Variants in PCDH9 observed in about 807,000 individuals in gnomAD.
PCDH9 encodes the protein protocadherin-9.
In PCDH9, 24 loss-of-function variants were observed where a neutral mutation model predicts 70.6. That is an observed-to-expected ratio of 0.34 (90% CI 0.25 to 0.48). The LOEUF is 0.48. Ranked by LOEUF, PCDH9 falls within the 20% of genes least tolerant of loss-of-function variation. The pLI is 0.99. For missense variants in PCDH9, 1,281 were observed against 1,503.6 expected, an observed-to-expected ratio of 0.85 and a Z score of 2.45; for synonymous variants, 562 against 558.5, an observed-to-expected ratio of 1.01 and a Z score of -0.09.
chr13:66,652,937 T>C (rs759992966), intron 3 of PCDH9, among the ~76,000 whole-genome samples: 1 of 152,072 alleles, frequency 6.6e-6, no homozygotes, highest in Non-Finnish European at 1.5e-5. Flanking sequence ...AAACTGCATA[T>C]CCACATGCAG....
intron 4 of PCDH9, among the ~76,000 whole-genome samples, chr13:66,454,023 TA>T (rs941531383): frequency 4.6e-5 from 7 of 151,798 alleles, no homozygotes; most frequent in African/African-American, 1.7e-4. Flanking sequence ...CCTTGGGAAC[TA>T]AAAAAAATCC....
At chr13:67,040,042 G>T (rs1223521923) in intron 2 of PCDH9, among the ~76,000 whole-genome samples, 1 of 152,120 alleles carries the variant, frequency 6.6e-6, no homozygotes, top group East Asian at 1.9e-4. Flanking sequence ...TATGCAAACA[G>T]TCCATAATAC....
chr13:67,006,893 C>A (rs1186730057), intron 2 of PCDH9, among the ~76,000 whole-genome samples: 1 of 152,040 alleles, frequency 6.6e-6, no homozygotes, highest in Non-Finnish European at 1.5e-5. Flanking sequence ...AATACAACTT[C>A]AAATATTTTT....
intron 3 of PCDH9, among the ~76,000 whole-genome samples, chr13:66,726,185 G>C (rs1171750459): frequency 6.6e-6 from 1 of 152,010 alleles, no homozygotes; most frequent in Non-Finnish European, 1.5e-5. Context: ...GGAAGGAACT[G>C]GATAATCTTT....
intron 3 of PCDH9, among the ~76,000 whole-genome samples, chr13:66,637,573 A>T (rs2077654919): frequency 6.6e-6 from 1 of 152,196 alleles, no homozygotes; most frequent in African/African-American, 2.4e-5. Context: ...AAATGGCTCC[A>T]CTAATGTAGA....
At chr13:66,645,762 C>A (rs2077762931) in intron 3 of PCDH9, among the ~76,000 whole-genome samples, 1 of 152,068 alleles carries the variant, frequency 6.6e-6, no homozygotes, top group African/African-American at 2.4e-5. Flanking sequence ...AGATTTTTGT[C>A]AATCAAGACT....
chr13:66,643,883 C>A (rs1042897662), intron 3 of PCDH9, among the ~76,000 whole-genome samples: 1 of 151,902 alleles, frequency 6.6e-6, no homozygotes, highest in African/African-American at 2.4e-5. Flanking sequence ...TTGTCTAGGG[C>A]AGAGAGGGAA....
At chr13:66,661,939 C>T (rs1026202496) in intron 3 of PCDH9, among the ~76,000 whole-genome samples, 1 of 152,120 alleles carries the variant, frequency 6.6e-6, no homozygotes, top group Non-Finnish European at 1.5e-5. Flanking sequence ...AATAAAATAA[C>T]TTAGGCTGAC....
intron 3 of PCDH9, among the ~76,000 whole-genome samples, chr13:66,724,934 C>T (rs2146739): frequency 0.14 from 20,733 of 152,094 alleles, 1,582 homozygotes; most frequent in African/African-American, 0.2. Context: ...AGTCATTATA[C>T]AGTTCAACCA....
intron 4 of PCDH9, among the ~76,000 whole-genome samples, chr13:66,553,782 T>C (rs1961600309): frequency 1.3e-5 from 2 of 152,242 alleles, no homozygotes; most frequent in Admixed American, 1.3e-4. Flanking sequence ...AATTTGTCAA[T>C]GTTCCCCCTT....
chr13:66,938,353 A>G (rs2082951795), intron 2 of PCDH9, among the ~76,000 whole-genome samples: 2 of 152,228 alleles, frequency 1.3e-5, no homozygotes, highest in South Asian at 2.1e-4. Flanking sequence ...TGAAAAAAAG[A>G]GCCACAGAAT....
chr13:66,941,451 G>T (rs2083004962), intron 2 of PCDH9, among the ~76,000 whole-genome samples: 1 of 151,488 alleles, frequency 6.6e-6, no homozygotes, highest in African/African-American at 2.4e-5. Flanking sequence ...CCTATAAAAA[G>T]GCAGAGACAT....
At chr13:66,810,069 T>G (rs2080476970) in intron 3 of PCDH9, among the ~76,000 whole-genome samples, 1 of 152,148 alleles carries the variant, frequency 6.6e-6, no homozygotes, top group South Asian at 2.1e-4. Flanking sequence ...ACTGTATGTT[T>G]GTGGAATTAT....
In PCDH9 at chr13:66,327,362, T is replaced by G. The variant is rs537452164; in HGVS notation, c.3341-22334A>C. Among the ~76,000 whole-genome samples the G allele has an allele frequency of 4.6e-5, 7 of 152,326 alleles. No individual in the cohort carries two copies. The South Asian group carries it at 1.5e-3, about 32-fold the overall frequency. ...AATCTGCTACTCTCTCAAAATGTAC[T>G]TTGAATTACTTTGGTTTGGGGACCT... On this transcript the variant is annotated intron_variant, in intron 4 of 4. Coordinates refer to ENST00000377865, the MANE Select transcript of PCDH9 (RefSeq NM_203487.3).
intron 2 of PCDH9, among the ~76,000 whole-genome samples, chr13:67,161,060 C>T (rs534255830): frequency 6.6e-6 from 1 of 152,270 alleles, no homozygotes; most frequent in Admixed American, 6.5e-5. Flanking sequence ...GGGTGCTTTT[C>T]ATCACACTTC....
intron 2 of PCDH9, among the ~76,000 whole-genome samples, chr13:67,027,242 G>A (rs1326688906): frequency 6.6e-6 from 1 of 152,052 alleles, no homozygotes; most frequent in Non-Finnish European, 1.5e-5. Flanking sequence ...ACAGAACAGA[G>A]CCCTCAGAAA....
intron 4 of PCDH9, among the ~76,000 whole-genome samples, chr13:66,469,769 TTTCTC>T (rs1958582164): frequency 6.6e-6 from 1 of 152,182 alleles, no homozygotes; most frequent in Non-Finnish European, 1.5e-5. Context: ...ATTCTGCAGG[TTTCTC>T]TTCCCTTCAC....
At chr13:67,115,750 T>C (rs2086754365) in intron 2 of PCDH9, among the ~76,000 whole-genome samples, 1 of 151,916 alleles carries the variant, frequency 6.6e-6, no homozygotes, top group Admixed American at 6.6e-5. Context: ...CTGACTTTAA[T>C]ATGTGGTATT....
At position 67,227,634 on chromosome 13, in the gene PCDH9, G is replaced by A. The variant is rs1383512172; in HGVS notation, c.807C>T (p.Thr269=). ...VHIPENAPVG[T]SVIQLHATDA... ...CAGTGGCATGGAGCTGAATTACAGAGGTACCTACGGGAGCATTCTCTGGAA... is the reference window on the plus strand; with the variant it reads ...CAGTGGCATGGAGCTGAATTACAGAAGTACCTACGGGAGCATTCTCTGGAA... The change falls in exon 2 of 5, where the codon ACC becomes ACT. Residue 269 remains threonine, a synonymous_variant. Transcript: ENST00000377865. This position sits in a 1 kb window ranked among gnomAD's most constrained non-coding sequence, Gnocchi z 4.6. The A allele has an allele frequency of 6.2e-7, 1 of 1,613,392 alleles. No homozygotes were observed. Among genetic ancestry groups the A allele is most frequent in the South Asian group, 1.1e-5 (1 of 91,048 alleles).
Sources: gnomAD v4.1 joint callset for allele counts (sites outside exome capture counted in the v4.1 genomes callset) on GRCh38, gnomAD v4.1.1 for gene constraint, Gnocchi (gnomAD v3.1) non-coding constraint, MANE v1.5 for transcripts, NCBI Gene and HGNC (gene_info 2026-07-23, HGNC 2026-07-21) for gene names.